GUCY2F: variants seen among roughly 807,000 people sequenced by gnomAD.
The protein encoded by GUCY2F is guanylate cyclase 2F, retinal.
Under a neutral mutation model 73.1 loss-of-function variants are expected in GUCY2F, and 61 were observed. The ratio of observed to expected loss-of-function variants is 0.83; its 90% CI spans 0.68 to 1.03. GUCY2F has a LOEUF of 1.03. Ranked by LOEUF, GUCY2F falls within the 50% of genes least tolerant of loss-of-function variation. The probability of loss-of-function intolerance (pLI) is 0.00; values close to 1 mark genes in which losing one functional copy is unlikely to be tolerated. For missense variants in GUCY2F, 912 were observed against 854.3 expected, an observed-to-expected ratio of 1.07 and a Z score of -0.84; for synonymous variants, 331 against 307.8, an observed-to-expected ratio of 1.08 and a Z score of -0.79.
intron 8 of GUCY2F, among the ~76,000 whole-genome samples, chrX:109,418,100 T>C (rs1444147384): frequency 1.8e-5 from 2 of 111,489 alleles, no homozygotes; most frequent in Non-Finnish European, 3.8e-5. Flanking sequence ...CAGAAAATGC[T>C]CCAAATTAGG....
At chrX:109,406,708 G>T (rs1441554686) in intron 9 of GUCY2F, among the ~76,000 whole-genome samples, 1 of 111,137 alleles carries the variant, frequency 9.0e-6, no homozygotes, top group African/African-American at 3.3e-5. Context: ...GGATGTAATT[G>T]AATCATGGGG....
intron 8 of GUCY2F, among the ~76,000 whole-genome samples, chrX:109,410,429 A>G (rs971435667): frequency 2.7e-5 from 3 of 112,411 alleles, no homozygotes; most frequent in African/African-American, 9.7e-5. Context: ...TTCCCTATAT[A>G]AACATCAGGC....
rs760348140 is a variant in GUCY2F, at chrX:109,479,664, C to T, written c.-86+2202G>A. Among the ~76,000 whole-genome samples, 192 of 111,757 alleles carry T rather than the reference C, an allele frequency of 1.7e-3. 2 individuals are homozygous for T. Among genetic ancestry groups the T allele is most frequent in the African/African-American group, 5.7e-3 (174 of 30,737 alleles). On this transcript the variant is annotated intron_variant, in intron 1 of 19. Coordinates refer to ENST00000218006, the MANE Select transcript of GUCY2F (RefSeq NM_001522.3). The stretch of plus-strand genomic sequence containing the variant: ...TAGCTTCTCACTGGAGTTGGATTCC[C>T]CCAAAGTACTTGCTTCTATCTGGTA...
At chrX:109,441,810 A>G (rs188495575) in intron 6 of GUCY2F, among the ~76,000 whole-genome samples, 48 of 111,343 alleles carry the variant, frequency 4.3e-4, no homozygotes, top group African/African-American at 1.5e-3. Context: ...AGACCAAAAA[A>G]AAAAGATGAA....
At chrX:109,442,937 A>G (rs1931908781) in intron 6 of GUCY2F, among the ~76,000 whole-genome samples, 1 of 112,150 alleles carries the variant, frequency 8.9e-6, no homozygotes, top group Non-Finnish European at 1.9e-5. Flanking sequence ...GCCAAAATCC[A>G]CACACATTTT....
At chrX:109,454,059 C>T (rs1414561558) in intron 3 of GUCY2F, among the ~76,000 whole-genome samples, 200 bp from the exon 4 acceptor site, 1 of 110,855 alleles carries the variant, frequency 9.0e-6, no homozygotes, top group African/African-American at 3.3e-5. Context: ...CCCAGGCTGT[C>T]ACATCTTTAA....
At chrX:109,461,770 A>C (rs192467202) in intron 3 of GUCY2F, among the ~76,000 whole-genome samples, 1 of 112,318 alleles carries the variant, frequency 8.9e-6, no homozygotes, top group African/African-American at 3.2e-5. Flanking sequence ...CACAGAATCA[A>C]CTTTTCTGGA....
chrX:109,378,990 A>T (rs772544731), intron 17 of GUCY2F, among the ~76,000 whole-genome samples: 5 of 112,479 alleles, frequency 4.4e-5, no homozygotes, highest in African/African-American at 1.6e-4. Context: ...GTTTATCAAC[A>T]GATGAATGGA....
At chrX:109,428,883 T>C (rs1356793283) in intron 8 of GUCY2F, among the ~76,000 whole-genome samples, 1 of 112,121 alleles carries the variant, frequency 8.9e-6, no homozygotes, top group African/African-American at 3.2e-5. Context: ...TTTTGTAGGT[T>C]TGAAATTATG....
intron 14 of GUCY2F, 111 bp from the exon 15 acceptor site, chrX:109,388,774 G>A: frequency 2.1e-6 from 1 of 483,253 alleles, no homozygotes; most frequent in South Asian, 3.4e-5. Context: ...AGTGAGAAAG[G>A]CAGAGAGGGA....
intron 8 of GUCY2F, among the ~76,000 whole-genome samples, chrX:109,425,632 G>T (rs1337826163): frequency 9.3e-6 from 1 of 107,290 alleles, no homozygotes; most frequent in Non-Finnish European, 1.9e-5. Context: ...TGATACAAAG[G>T]ACTTTGGGGA....
intron 2 of GUCY2F, among the ~76,000 whole-genome samples, chrX:109,468,051 T>G (rs1470719797): frequency 9.0e-6 from 1 of 111,431 alleles, no homozygotes; most frequent in Non-Finnish European, 1.9e-5. Flanking sequence ...AGGCCTTTGT[T>G]GTGGCTGCAC....
chrX:109,395,268 A>G, intron 12 of GUCY2F, 73 bp downstream of exon 12: 1 of 899,538 alleles, frequency 1.1e-6, no homozygotes, highest in Non-Finnish European at 1.6e-6. Flanking sequence ...TATGACAAGG[A>G]CCCAAGGAGT....
At chrX:109,393,580 C>A (rs1930626949) in intron 12 of GUCY2F, among the ~76,000 whole-genome samples, 1 of 111,631 alleles carries the variant, frequency 9.0e-6, no homozygotes, top group South Asian at 3.8e-4. Flanking sequence ...ATAAAATCAA[C>A]CCCTATTTCT....
intron 9 of GUCY2F, 25 bp downstream of exon 9, chrX:109,408,967 A>G (rs1931038159): frequency 3.5e-6 from 3 of 860,355 alleles, no homozygotes; most frequent in Non-Finnish European, 5.1e-6. Flanking sequence ...AGAAAATCCA[A>G]GATTTCCTCA....
chrX:109,426,415 G>C (rs1166123388), intron 8 of GUCY2F, among the ~76,000 whole-genome samples: 1 of 111,904 alleles, frequency 8.9e-6, no homozygotes, highest in Non-Finnish European at 1.9e-5. Flanking sequence ...TTGAGACGGA[G>C]TCTTGGTCTG....
At chrX:109,391,346 T>C (rs978225591) in intron 14 of GUCY2F, among the ~76,000 whole-genome samples, 2 of 111,157 alleles carry the variant, frequency 1.8e-5, no homozygotes, top group African/African-American at 6.5e-5. Flanking sequence ...CTCAGACCAA[T>C]AGGCAGCTTT....
chrX:109,401,352 A>G (rs964304647), intron 10 of GUCY2F, among the ~76,000 whole-genome samples: 26 of 112,013 alleles, frequency 2.3e-4, no homozygotes, highest in African/African-American at 7.8e-4. Flanking sequence ...AAGAACACAG[A>G]ACTGGAAGTC....
intron 10 of GUCY2F, among the ~76,000 whole-genome samples, chrX:109,400,091 C>A (rs906449223): frequency 2.7e-5 from 3 of 109,537 alleles, no homozygotes; most frequent in Non-Finnish European, 5.7e-5. Context: ...TTGATGAAAG[C>A]CCTGTTTGGG....
Sources: allele counts gnomAD v4.1 joint callset (sites outside exome capture counted in the v4.1 genomes callset), GRCh38; gene constraint gnomAD v4.1.1; transcripts MANE v1.5; gene names NCBI Gene and HGNC (gene_info 2026-07-23, HGNC 2026-07-21).